SLC8A1: variants seen among roughly 807,000 people sequenced by gnomAD.
SLC8A1 encodes sodium/calcium exchanger 1.
In SLC8A1, 18 loss-of-function variants were observed where a neutral mutation model predicts 68.3. The observed-to-expected ratio is 0.26, with a 90% CI of 0.18 to 0.39. The LOEUF is 0.39. Ranked by LOEUF, SLC8A1 falls within the 10% of genes least tolerant of loss-of-function variation. SLC8A1 has a pLI of 1.00. For synonymous variants in SLC8A1, 475 were observed against 415.5 expected (o/e 1.14, Z -1.74); for missense variants, 985 against 1,156.7 (o/e 0.85, Z 2.15).
intron 2 of SLC8A1, among the ~76,000 whole-genome samples, chr2:40,215,599 TGCAGTCC>T (rs1361734133): frequency 1.5e-5 from 2 of 131,226 alleles, no homozygotes; most frequent in Non-Finnish European, 3.1e-5. Context: ...ATTGTGCCAC[TGCAGTCC>T]GCAGTCCGGC....
chr2:40,141,236 T>G (rs1188597700), intron 6 of SLC8A1, among the ~76,000 whole-genome samples: 1 of 152,150 alleles, frequency 6.6e-6, no homozygotes, highest in East Asian at 1.9e-4. Context: ...TGAGACACTC[T>G]GTGGTAGGCA....
intron 7 of SLC8A1, among the ~76,000 whole-genome samples, chr2:40,129,332 G>A (rs2038843288): frequency 6.6e-6 from 1 of 151,678 alleles, no homozygotes; most frequent in African/African-American, 2.4e-5. Context: ...CTGGGCTCAA[G>A]TGATCCTCCC....
chr2:40,172,141 A>G (rs924329928), intron 4 of SLC8A1, among the ~76,000 whole-genome samples: 7 of 152,228 alleles, frequency 4.6e-5, no homozygotes, highest in Non-Finnish European at 1.0e-4. Flanking sequence ...ACTTCCAAGA[A>G]AAAAAGTTCT....
At chr2:40,243,954 A>T (rs2061525203) in intron 2 of SLC8A1, among the ~76,000 whole-genome samples, 1 of 152,188 alleles carries the variant, frequency 6.6e-6, no homozygotes, top group Non-Finnish European at 1.5e-5. Context: ...AGTGGGCAGA[A>T]TGGATAGCTT....
chr2:40,110,924 C>T (rs1287443288), exon 8 of SLC8A1: 2 of 152,074 alleles, frequency 1.3e-5, no homozygotes, highest in Non-Finnish European at 2.9e-5. Flanking sequence ...GTATATCAGT[C>T]TCGCTACTTT....
intron 2 of SLC8A1, among the ~76,000 whole-genome samples, chr2:40,253,185 AT>A (rs2063248588): frequency 7.2e-6 from 1 of 139,200 alleles, no homozygotes. Flanking sequence ...AAATATACAT[AT>A]ATACACGTAT....
Position 40,474,389 on chromosome 2 carries a change from A to G in SLC8A1, c.-25+37960T>C, listed in dbSNP as rs534482459. On this transcript the variant is annotated intron_variant, in intron 1 of 7. Coordinates refer to the SLC8A1 transcript ENST00000402441. The stretch of plus-strand genomic sequence containing the variant: ...AAGAAGTTTACTCTTGGACAAAAAC[A>G]TAAATGGTTTCTCAGAAAAGAAACC... Among the ~76,000 whole-genome samples, 800 of 152,328 alleles carry G rather than the reference A, an allele frequency of 5.3e-3. 6 individuals carry two copies. The highest frequency in any genetic ancestry group is 0.019 in the African/African-American group (771 of 41,570).
At chr2:40,429,496 A>G in exon 2 of SLC8A1, 1 of 1,613,892 alleles carries the variant, frequency 6.2e-7, no homozygotes, top group Non-Finnish European at 8.5e-7. Flanking sequence ...CCTCTTGTAG[A>G]CATACTTGTA....
At chr2:40,453,663 C>T (rs180704620), upstream of SLC8A1, among the ~76,000 whole-genome samples, 19 of 152,286 alleles carry the variant, frequency 1.2e-4, no homozygotes, top group African/African-American at 4.6e-4. Context: ...TTTTAAGATG[C>T]CTGGTTGATT....
intron 2 of SLC8A1, among the ~76,000 whole-genome samples, chr2:40,408,616 C>G (rs949329165): frequency 9.2e-5 from 14 of 152,160 alleles, no homozygotes; most frequent in Non-Finnish European, 2.1e-4. Context: ...GGTGGCCCAA[C>G]TGTGGGAATT....
intron 1 of SLC8A1, among the ~76,000 whole-genome samples, chr2:40,433,099 C>T (rs182198074): frequency 2.3e-4 from 35 of 152,250 alleles, no homozygotes; most frequent in Admixed American, 1.5e-3. Context: ...ACTGCCAAAT[C>T]GCATCATTCC....
chr2:40,214,271 G>A (rs2057096466), intron 2 of SLC8A1, among the ~76,000 whole-genome samples: 1 of 152,088 alleles, frequency 6.6e-6, no homozygotes, highest in African/African-American at 2.4e-5. Flanking sequence ...AGTCTCTGGA[G>A]TCTGCTTTGC....
intron 1 of SLC8A1, among the ~76,000 whole-genome samples, chr2:40,494,038 A>G (rs1258561557): frequency 6.6e-6 from 1 of 151,648 alleles, no homozygotes; most frequent in African/African-American, 2.4e-5. Flanking sequence ...TATCTACCTG[A>G]AAGTGTGTGC....
intron 2 of SLC8A1, among the ~76,000 whole-genome samples, chr2:40,198,136 T>C (rs1236356946): frequency 6.6e-6 from 1 of 152,004 alleles, no homozygotes; most frequent in Non-Finnish European, 1.5e-5. Context: ...TATATGAATA[T>C]CTTATTTTTC....
chr2:40,454,112 A>G (rs1052420230), upstream of SLC8A1, among the ~76,000 whole-genome samples: 1 of 152,204 alleles, frequency 6.6e-6, no homozygotes, highest in African/African-American at 2.4e-5. Flanking sequence ...AAAATTACTT[A>G]GAGTCCCTGA....
chr2:40,215,643 C>CAAA (rs56191722), intron 2 of SLC8A1, among the ~76,000 whole-genome samples: 2 of 69,924 alleles, frequency 2.9e-5, no homozygotes, highest in Non-Finnish European at 2.6e-5. Flanking sequence ...GACTCCGTCT[C>CAAA]AAAAAAAAAA....
intron 2 of SLC8A1, among the ~76,000 whole-genome samples, chr2:40,271,237 C>T (rs1305708622): frequency 1.3e-5 from 2 of 151,870 alleles, no homozygotes; most frequent in African/African-American, 2.4e-5. Flanking sequence ...CGTCCCCTCC[C>T]ACTCCTCTCC....
At chr2:40,244,137 T>C (rs2148982215) in intron 2 of SLC8A1, among the ~76,000 whole-genome samples, 1 of 152,264 alleles carries the variant, frequency 6.6e-6, no homozygotes, top group South Asian at 2.1e-4. Context: ...TCACCTCCTC[T>C]AAGCTTTCCT....
rs200761251 is a variant in SLC8A1 at position 40,196,894 on chromosome 2, A to G, written c.1809-19039T>C. Among the ~76,000 whole-genome samples, 5 of 152,184 alleles carry G rather than the reference A, an allele frequency of 3.3e-5. No homozygotes were observed. The East Asian group carries it at 9.7e-4, about 30-fold the overall frequency. ...TATTTTAAGAGAGAAATTTTCTATC[A>G]AGTCTACTCTCAGTGCATTGATTAG... On this transcript the variant is annotated intron_variant, in intron 2 of 7. Coordinates refer to ENST00000406785, the Ensembl canonical transcript of SLC8A1.
Sources: allele counts gnomAD v4.1 joint callset (sites outside exome capture counted in the v4.1 genomes callset), GRCh38; gene constraint gnomAD v4.1.1; transcripts MANE v1.5; gene names NCBI Gene and HGNC (gene_info 2026-07-23, HGNC 2026-07-21).